Variants in ADAMTS15 observed in about 807,000 individuals in gnomAD.
The protein encoded by ADAMTS15 is A disintegrin and metalloproteinase with thrombospondin motifs 15.
Under a neutral mutation model 79.1 loss-of-function variants are expected in ADAMTS15, and 35 were observed. That is an observed-to-expected ratio of 0.44 (90% CI 0.34 to 0.59). ADAMTS15 has a LOEUF of 0.59. Among genes scored for constraint, ADAMTS15 ranks in the 20% least tolerant of loss-of-function variants. The pLI is 0.02. For missense variants in ADAMTS15, 1,324 were observed against 1,318.7 expected (o/e 1.00, Z -0.06); for synonymous variants, 616 against 567.3 (o/e 1.09, Z -1.22).
chr11:130,470,985 C>T lies in ADAMTS15; in HGVS notation c.1786C>T (p.Arg596Trp), dbSNP rs373000118. ...CAACGGCTACAACCACAGCACCAAC[C>T]GGCTCACTCTCGCCGTGGCATGGGT... ...AFNGYNHSTN[R>W]LTLAVAWVPK... is the part of the protein sequence containing the mutation. The change falls in exon 6 of 8, where the codon CGG (arginine) becomes TGG (tryptophan). Residue 596 changes from arginine (R) to tryptophan (W), a missense_variant. Arg to Trp is a moderately radical substitution (Grantham distance 101). Transcript: ENST00000299164. 28 of 1,613,742 alleles carry T rather than the reference C, an allele frequency of 1.7e-5. 1 individual carries two copies. In the East Asian group the frequency reaches 1.8e-4, roughly 10 times the overall value.
chr11:130,467,786 A>G (rs1343954528), intron 4 of ADAMTS15, among the ~76,000 whole-genome samples: 1 of 146,794 alleles, frequency 6.8e-6, no homozygotes, highest in Non-Finnish European at 1.5e-5. Context: ...AAAACCTAAA[A>G]AAAAAAAAAA....
chr11:130,459,938 C>T lies in ADAMTS15; in HGVS notation c.958-1551C>T, dbSNP rs569596773. On this transcript the variant is annotated intron_variant, in intron 1 of 7. Coordinates refer to ENST00000299164, the MANE Select transcript of ADAMTS15 (RefSeq NM_139055.4). ...AGATGCACATGTGGCCTTGCATATA[C>T]GTGCACATGCATGCAGACACATGCT... Among the ~76,000 whole-genome samples, 4 of 152,354 alleles carry T rather than the reference C, an allele frequency of 2.6e-5. No individual in the cohort carries two copies. In the East Asian group the frequency reaches 5.8e-4, roughly 22 times the overall value.
intron 1 of ADAMTS15, among the ~76,000 whole-genome samples, chr11:130,454,812 A>G (rs544970157): frequency 6.6e-6 from 1 of 152,126 alleles, no homozygotes; most frequent in South Asian, 2.1e-4. Flanking sequence ...TGGGGGAGGA[A>G]GGTTGGAGGG....
At chr11:130,461,756 C>G (rs1236051725) in intron 2 of ADAMTS15, 135 bp downstream of exon 2, 2 of 1,345,746 alleles carry the variant, frequency 1.5e-6, no homozygotes, top group Non-Finnish European at 2.0e-6. Flanking sequence ...GCCTTAGCAG[C>G]AGCTTTGTAC....
chr11:130,462,966 A>G lies in ADAMTS15; in HGVS notation c.1542+186A>G, dbSNP rs989208813. On this transcript the variant is annotated intron_variant, in intron 4 of 7. Transcript: ENST00000299164. The surrounding 1 kb of genome is among the most constrained non-coding windows in gnomAD (Gnocchi z 4.3). Reference sequence around the variant, plus strand: ...ATAGTCCTATCCCCTTCTTGACTCTAAGACCGGAGAGAAAAGCTATGGCAG... The same window carrying G: ...ATAGTCCTATCCCCTTCTTGACTCTGAGACCGGAGAGAAAAGCTATGGCAG... Among the ~76,000 whole-genome samples, 1 of 152,002 alleles carries G rather than the reference A, an allele frequency of 6.6e-6. No homozygotes were observed. Among genetic ancestry groups the G allele is most frequent in the Non-Finnish European group, 1.5e-5 (1 of 68,016 alleles).
At chr11:130,470,811 G>C in intron 5 of ADAMTS15, 109 bp from the exon 6 acceptor site, 3 of 1,238,828 alleles carry the variant, frequency 2.4e-6, no homozygotes, top group Non-Finnish European at 3.4e-6. Context: ...CTTTGGTGAT[G>C]AGGGTGGGAA....
Position 130,473,867 on chromosome 11 carries a change from G to A in ADAMTS15, c.*46G>A, listed in dbSNP as rs1444321840. 1.3e-6 allele frequency: 2 copies of A among 1,531,184 alleles called. No homozygotes were observed. The allele number at this position is 1,531,184 out of a possible 1,614,324, so 94.8% of individuals were successfully genotyped here. ...CCCTCACTCTCCACCCCACTGATAT[G>A]CCAGCGTTCTGCCAGCTGGAGTAGC... On this transcript the variant is annotated 3_prime_UTR_variant, in exon 8 of 8. Transcript: ENST00000299164.
chr11:130,450,534 C>A (rs1261870992), intron 1 of ADAMTS15: 3 of 719,002 alleles, frequency 4.2e-6, no homozygotes, highest in East Asian at 2.6e-4. Context: ...TGCGAGCATC[C>A]CTCCTTCACT....
At chr11:130,457,102 G>A (rs1431631672) in intron 1 of ADAMTS15, among the ~76,000 whole-genome samples, 2 of 151,764 alleles carry the variant, frequency 1.3e-5, no homozygotes, top group African/African-American at 2.4e-5. Flanking sequence ...GCGTGGTGGC[G>A]CATGCCTGTA....
rs776200888 is a variant in ADAMTS15 at position 130,470,924 on chromosome 11, C to T, written c.1725C>T (p.Ser575=). ...CTTATGCTTCTCCCTCCCTAGCCTC[C>T]GGAAAGAGCTTCCGGGAGGAGCAGT... is the stretch of plus-strand genomic sequence containing the variant. ...CNLEPCPSSA[S]GKSFREEQCE... Residue 575 remains serine (S), a synonymous_variant, in exon 6 of 8, where the codon TCC becomes TCT. Coordinates refer to ENST00000299164, the MANE Select transcript of ADAMTS15 (RefSeq NM_139055.4). 24 of 1,612,746 alleles carry T rather than the reference C, an allele frequency of 1.5e-5. No individual in the cohort carries two copies. Among genetic ancestry groups the T allele is most frequent in the South Asian group, 4.4e-5 (4 of 90,950 alleles).
At position 130,449,655 on chromosome 11, in the gene ADAMTS15, G is replaced by C. The variant is rs1203532502; in HGVS notation, c.682G>C (p.Glu228Gln). 3 of 1,593,144 alleles carry C rather than the reference G, an allele frequency of 1.9e-6. No homozygotes were observed. Among genetic ancestry groups the C allele is most frequent in the South Asian group, 1.1e-5 (1 of 88,598 alleles). The stretch of plus-strand genomic sequence containing the variant: ...CGTGGAGACGCTGGTGGTCGCGGAC[G>C]AGTCAATGGTCAAGTTCCACGGCGC... ...RYVETLVVADESMVKFHGADL... is the reference protein window; with the variant it reads ...RYVETLVVADQSMVKFHGADL... The change falls in exon 1 of 8, where the codon GAG becomes CAG. Residue 228 changes from glutamate to glutamine, a missense_variant. Physicochemically the swap from Glu to Gln is conservative, Grantham distance 29. Transcript: ENST00000299164. This position sits in a 1 kb window ranked among gnomAD's most constrained non-coding sequence, Gnocchi z 7.8.
At chr11:130,465,321 C>T (rs1469736506) in intron 4 of ADAMTS15, among the ~76,000 whole-genome samples, 1 of 152,214 alleles carries the variant, frequency 6.6e-6, no homozygotes, top group Non-Finnish European at 1.5e-5. Context: ...TGAGGCCATG[C>T]TGTGTGCTTT....
intron 1 of ADAMTS15, among the ~76,000 whole-genome samples, chr11:130,459,595 G>A (rs1266025049): frequency 6.6e-6 from 1 of 152,194 alleles, no homozygotes; most frequent in African/African-American, 2.4e-5. Context: ...CCTCCATGGG[G>A]CTCCTAGAAG....
At chr11:130,466,995 C>T (rs747910314) in intron 4 of ADAMTS15, among the ~76,000 whole-genome samples, 4 of 152,146 alleles carry the variant, frequency 2.6e-5, no homozygotes, top group Non-Finnish European at 4.4e-5. Context: ...TCTGTGTTCA[C>T]GGATTCATTT....
rs532476017 is a variant in ADAMTS15 at position 130,473,941 on chromosome 11, C to T, written c.*120C>T. The stretch of plus-strand genomic sequence containing the variant: ...CTCACGCCACGATGTCACCCACATC[C>T]GGGGACAAGGACCATGGGCTGGGGC... On this transcript the variant is annotated 3_prime_UTR_variant, in exon 8 of 8. Coordinates refer to ENST00000299164, the MANE Select transcript of ADAMTS15 (RefSeq NM_139055.4). The T allele has an allele frequency of 1.4e-4, 185 of 1,347,234 alleles. 2 individuals are homozygous for T. The highest frequency in any genetic ancestry group is 1.1e-3 in the Middle Eastern group (4 of 3,768). 83.5% of individuals were successfully genotyped at this position (1,347,234 alleles called of 1,614,324 possible).
In ADAMTS15 at chr11:130,473,033, C is replaced by G; in HGVS notation, c.2079-14C>G. On this transcript the variant is annotated splice_polypyrimidine_tract_variant and intron_variant, in intron 7 of 7. Transcript: ENST00000299164. ...GGCTTCTATCTGATGCACGGCCCCC[C>G]TTTCCCCCGCCAGGCATGGCTACAA... 1 of 1,611,814 alleles carries G rather than the reference C, an allele frequency of 6.2e-7. No individual in the cohort carries two copies. The highest frequency in any genetic ancestry group is 1.1e-5 in the South Asian group (1 of 90,896).
At chr11:130,458,166 C>A (rs926256931) in intron 1 of ADAMTS15, among the ~76,000 whole-genome samples, 3 of 152,280 alleles carry the variant, frequency 2.0e-5, no homozygotes, top group African/African-American at 7.2e-5. Context: ...GAGTTCCAGA[C>A]GCCCTCTAGA....
At position 130,449,859 on chromosome 11, in the gene ADAMTS15, C is replaced by G; in HGVS notation, c.886C>G (p.Gln296Glu). 1 of 1,605,840 alleles carries G rather than the reference C, an allele frequency of 6.2e-7. No homozygotes were observed. ...GACGCTGCGCAACTTCTGTGCCTGG[C>G]AGAAGAAGCTGAACAAAGTGAGTGA... ...ALTLRNFCAW[Q>E]KKLNKVSDKH... Residue 296 changes from glutamine (Q) to glutamate (E), a missense_variant, in exon 1 of 8, where the codon CAG (glutamine) becomes GAG (glutamate). Gln to Glu is a conservative substitution (Grantham distance 29). Transcript: ENST00000299164. This position sits in a 1 kb window ranked among gnomAD's most constrained non-coding sequence, Gnocchi z 7.8.
rs558950716 is a variant in ADAMTS15, at chr11:130,472,680, CCCTCCTCCTCCT to C, written c.2079-350_2079-339del. Among the ~76,000 whole-genome samples the C allele has an allele frequency of 3.5e-5, 5 of 144,346 alleles. No individual in the cohort carries two copies. Among genetic ancestry groups the C allele is most frequent in the African/African-American group, 1.1e-4 (4 of 36,694 alleles). The allele number at this position is 144,346 out of a possible 152,430, so 94.7% of individuals were successfully genotyped here. ...GGTGGACTTACTCCTCCCGCCCCAC[CCCTCCTCCTCCT>C]CCTCCTCCTCCTCCTCGTCCTCATG... On this transcript the variant is annotated intron_variant, in intron 7 of 7. Transcript: ENST00000299164. The surrounding 1 kb of genome is among the most constrained non-coding windows in gnomAD (Gnocchi z 4.7).
Sources: gnomAD v4.1 joint callset for allele counts (sites outside exome capture counted in the v4.1 genomes callset) on GRCh38, gnomAD v4.1.1 for gene constraint, Gnocchi (gnomAD v3.1) non-coding constraint, MANE v1.5 for transcripts, NCBI Gene and HGNC (gene_info 2026-07-23, HGNC 2026-07-21) for gene names.